Variants in POU2F1 observed in about 807,000 individuals in gnomAD.
POU2F1 encodes POU domain, class 2, transcription factor 1.
Under a neutral mutation model 84.9 loss-of-function variants are expected in POU2F1, and 16 were observed. The observed-to-expected ratio is 0.19, with a 90% CI of 0.13 to 0.29. POU2F1 has a LOEUF of 0.29. POU2F1 is among the 10% of genes least tolerant of loss of function. POU2F1 has a pLI of 1.00. For missense variants in POU2F1, 738 were observed against 942.6 expected (o/e 0.78, Z 2.84); for synonymous variants, 368 against 368.3 (o/e 1.00, Z 0.01).
chr1:167,294,561 C>T (rs1008171952), intron 1 of POU2F1, among the ~76,000 whole-genome samples: 2 of 152,084 alleles, frequency 1.3e-5, no homozygotes, highest in Non-Finnish European at 2.9e-5. Context: ...GGAACTCAAA[C>T]AAATAAGCAG....
chr1:167,412,340 G>A, intron 14 of POU2F1, 36 bp downstream of exon 14: 1 of 1,476,450 alleles, frequency 6.8e-7, no homozygotes, highest in African/African-American at 1.4e-5. Flanking sequence ...CGTCTGAGGT[G>A]GAGGTCATCC....
chr1:167,413,439 G>C (rs931151391), intron 15 of POU2F1, among the ~76,000 whole-genome samples: 3 of 152,042 alleles, frequency 2.0e-5, no homozygotes, highest in African/African-American at 7.3e-5. Context: ...TTTTTCCCCT[G>C]ATAAGTTTAT....
chr1:167,315,863 A>G (rs2102616293), intron 1 of POU2F1, among the ~76,000 whole-genome samples: 1 of 152,244 alleles, frequency 6.6e-6, no homozygotes, highest in East Asian at 1.9e-4. Flanking sequence ...CATCCATACC[A>G]TGGAATACTT....
intron 2 of POU2F1, among the ~76,000 whole-genome samples, chr1:167,347,466 G>A (rs1658276831): frequency 6.6e-6 from 1 of 152,204 alleles, no homozygotes; most frequent in South Asian, 2.1e-4. Context: ...AGGAAAGTAA[G>A]CCAGTAGAGC....
intron 3 of POU2F1, among the ~76,000 whole-genome samples, chr1:167,368,462 G>A (rs761937543): frequency 4.0e-5 from 6 of 151,702 alleles, no homozygotes; most frequent in Admixed American, 1.3e-4. Flanking sequence ...TTGCCTCCTG[G>A]TAAGTAATAC....
chr1:167,426,418 A>G lies in POU2F1; in HGVS notation c.*10608A>G, dbSNP rs2101975127. On this transcript the variant is annotated 3_prime_UTR_variant, in exon 16 of 16. Transcript: ENST00000367866. ...TTCACTGCCTAGGTGTTCATAATAA[A>G]AAAGAAAATGAAAAAAGTTCTGAGT... 6.6e-6 allele frequency: 1 copy of G among 152,298 alleles called. No individual in the cohort carries two copies. Among genetic ancestry groups the G allele is most frequent in the Non-Finnish European group, 1.5e-5 (1 of 68,028 alleles). The allele number at this position is 152,298 out of a possible 1,614,324, so 9.4% of individuals were successfully genotyped here.
intron 1 of POU2F1, among the ~76,000 whole-genome samples, chr1:167,250,635 G>C (rs765215074): frequency 5.9e-5 from 9 of 152,090 alleles, no homozygotes; most frequent in Non-Finnish European, 7.4e-5. Context: ...TTTAAACTTT[G>C]GCATAGCCAA....
intron 1 of POU2F1, among the ~76,000 whole-genome samples, chr1:167,246,981 C>T (rs1307861832): frequency 2.0e-5 from 3 of 151,830 alleles, no homozygotes; most frequent in South Asian, 2.1e-4. Context: ...CTATGAACCA[C>T]GTGCTATAGA....
chr1:167,347,905 T>C (rs933891493), intron 2 of POU2F1, among the ~76,000 whole-genome samples: 2 of 152,238 alleles, frequency 1.3e-5, no homozygotes, highest in Non-Finnish European at 2.9e-5. Context: ...ATTATATGGA[T>C]ATACCACAAT....
At chr1:167,351,976 C>G (rs778035942) in intron 2 of POU2F1, among the ~76,000 whole-genome samples, 1 of 152,050 alleles carries the variant, frequency 6.6e-6, no homozygotes, top group Non-Finnish European at 1.5e-5. Flanking sequence ...GTCCTCCCAC[C>G]GCAAAAATAG....
At chr1:167,299,233 T>G (rs974116150) in intron 1 of POU2F1, among the ~76,000 whole-genome samples, 1 of 151,008 alleles carries the variant, frequency 6.6e-6, no homozygotes, top group East Asian at 1.9e-4. Context: ...TTGGATATAC[T>G]GAGGTTAAAG....
intron 1 of POU2F1, among the ~76,000 whole-genome samples, chr1:167,272,832 T>A (rs1652469513): frequency 1.3e-5 from 2 of 152,102 alleles, no homozygotes; most frequent in Non-Finnish European, 2.9e-5. Flanking sequence ...CTCATGTCCT[T>A]CTCACATTGC....
At chr1:167,273,819 C>T (rs1261851117) in intron 1 of POU2F1, among the ~76,000 whole-genome samples, 1 of 152,146 alleles carries the variant, frequency 6.6e-6, no homozygotes, top group African/African-American at 2.4e-5. Flanking sequence ...TCATCAGCTT[C>T]ATATTGCTTA....
intron 1 of POU2F1, among the ~76,000 whole-genome samples, chr1:167,288,256 A>T (rs565395775): frequency 2.0e-5 from 3 of 149,568 alleles, no homozygotes; most frequent in Non-Finnish European, 2.9e-5. Flanking sequence ...TGGCTAACAG[A>T]TATATTATTC....
chr1:167,365,018 C>T (rs1659595136), intron 2 of POU2F1, among the ~76,000 whole-genome samples: 1 of 152,146 alleles, frequency 6.6e-6, no homozygotes, highest in African/African-American at 2.4e-5. Context: ...CATCAGATTG[C>T]TATTCATTAA....
chr1:167,389,654 C>T lies in POU2F1; in HGVS notation c.880C>T (p.Pro294Ser). ...IQTLPQSQST[P>S]KRIDTPSLEE... ...GACACTTCCACAGAGCCAGTCAACA[C>T]CAAAGCGAATTGATACTCCCAGCTT... is the stretch of plus-strand genomic sequence containing the variant. The change falls in exon 9 of 16, where the codon CCA becomes TCA. Residue 294 changes from proline (P) to serine (S), a missense_variant. Pro to Ser is a moderately conservative substitution (Grantham distance 74). Around this residue, in one of 4 missense-constraint regions of POU2F1, gnomAD observed 163 missense variants for 214.4 expected, o/e 0.76. Coordinates refer to ENST00000367866, the MANE Select transcript of POU2F1 (RefSeq NM_002697.4). The T allele has an allele frequency of 1.2e-6, 2 of 1,614,242 alleles. No individual in the cohort carries two copies. Among genetic ancestry groups the T allele is most frequent in the Non-Finnish European group, 1.7e-6 (2 of 1,180,044 alleles).
chr1:167,395,445 C>T (rs1433295097), intron 9 of POU2F1, among the ~76,000 whole-genome samples: 1 of 151,710 alleles, frequency 6.6e-6, no homozygotes, highest in Admixed American at 6.6e-5. Flanking sequence ...TCACTGCGTC[C>T]AGAAATACTT....
chr1:167,404,976 A>G (rs114838580), intron 13 of POU2F1, among the ~76,000 whole-genome samples: 2,445 of 152,330 alleles, frequency 0.016, 28 homozygotes, highest in Non-Finnish European at 0.023. Context: ...CCTTAGCACT[A>G]TCTTCTAAGA....
intron 1 of POU2F1, among the ~76,000 whole-genome samples, chr1:167,301,121 T>G (rs1654671242): frequency 6.6e-6 from 1 of 152,216 alleles, no homozygotes; most frequent in Admixed American, 6.5e-5. Flanking sequence ...ATATTAAATT[T>G]ATTTAAGGAA....
Sources: gnomAD v4.1 joint callset for allele counts (sites outside exome capture counted in the v4.1 genomes callset) on GRCh38, gnomAD v4.1.1 for gene constraint, gnomAD v4.1.1 regional missense constraint, MANE v1.5 for transcripts, NCBI Gene and HGNC (gene_info 2026-07-23, HGNC 2026-07-21) for gene names.